Variants in HSD3B1 observed in about 807,000 individuals in gnomAD.
The protein encoded by HSD3B1 is 3 beta-hydroxysteroid dehydrogenase/Delta 5-->4-isomerase type 1.
HSD3B1 carries 11 observed loss-of-function variants against 10.4 expected under a neutral mutation model. The observed-to-expected ratio is 1.05, with a 90% CI of 0.66 to 1.75. The LOEUF (loss-of-function observed/expected upper bound fraction) is 1.75. HSD3B1 is among the 40% of genes most tolerant of loss of function. The probability of loss-of-function intolerance (pLI) is 0.00; values close to 1 mark genes in which losing one functional copy is unlikely to be tolerated. For missense variants in HSD3B1, 490 were observed against 454.5 expected (o/e 1.08, Z -0.71); for synonymous variants, 217 against 185.4 (o/e 1.17, Z -1.39).
Position 119,514,649 on chromosome 1 carries a change from A to G in HSD3B1, c.*4A>G, listed in dbSNP as rs753051753. On this transcript the variant is annotated 3_prime_UTR_variant, in exon 4 of 4. Coordinates refer to ENST00000369413, the MANE Select transcript of HSD3B1 (RefSeq NM_000862.3). Reference sequence around the variant, plus strand: ...CCTGAAGTCCAAGACTCAGTGATTTAAGGATGACAGAGATGTGCATGTGGG... The same window carrying G: ...CCTGAAGTCCAAGACTCAGTGATTTGAGGATGACAGAGATGTGCATGTGGG... The G allele has an allele frequency of 6.2e-7, 1 of 1,613,432 alleles. No individual in the cohort carries two copies. The highest frequency in any genetic ancestry group is 2.2e-5 in the East Asian group (1 of 44,778).
At chr1:119,511,426 T>C in intron 2 of HSD3B1, 77 bp from the exon 3 acceptor site, 1 of 1,450,628 alleles carries the variant, frequency 6.9e-7, no homozygotes, top group East Asian at 2.3e-5. Context: ...TGAACACCTA[T>C]GTAACATCAC....
Position 119,514,223 on chromosome 1 carries a change from A to T in HSD3B1, c.700A>T (p.Ile234Phe). The stretch of plus-strand genomic sequence containing the variant: ...TGTTGGCAATGTGGCCTGGGCCCAC[A>T]TTCTGGCCTTGAGGGCCCTGCAGGA... The part of the protein sequence containing the change: ...VYVGNVAWAH[I>F]LALRALQDPK... The change falls in exon 4 of 4, where the codon ATT becomes TTT. Residue 234 changes from isoleucine (I) to phenylalanine (F), a missense_variant. By Grantham distance (21) the Ile-to-Phe change is conservative. Transcript: ENST00000369413. 1 of 1,614,150 alleles carries T rather than the reference A, an allele frequency of 6.2e-7. No individual in the cohort carries two copies. Among genetic ancestry groups the T allele is most frequent in the Non-Finnish European group, 8.5e-7 (1 of 1,180,022 alleles).
rs776045682 is a variant in HSD3B1 at position 119,514,195 on chromosome 1, C to CAA, written c.672_673insAA (p.Tyr225AsnfsTer14). 9.7e-4 allele frequency: 1,563 copies of CAA among 1,614,098 alleles called. 1 individual carries two copies. The highest frequency in any genetic ancestry group is 1.3e-3 in the Non-Finnish European group (1,479 of 1,179,990). ...GAAAGTTCTCCACTGTTAACCCAGT[C>CAA]TATGTTGGCAATGTGGCCTGGGCCC... On this transcript the variant is annotated frameshift_variant, in exon 4 of 4. Transcript: ENST00000369413. LOFTEE classifies it low-confidence loss of function (END_TRUNC).
At chr1:119,507,663 C>G (rs774677869) in intron 2 of HSD3B1, 42 bp downstream of exon 2, 1 of 1,603,972 alleles carries the variant, frequency 6.2e-7, no homozygotes, top group South Asian at 1.1e-5. Flanking sequence ...CCATCTTAAA[C>G]ACTGCATGTA....
At chr1:119,509,683 A>G (rs888229357) in intron 2 of HSD3B1, among the ~76,000 whole-genome samples, 4 of 152,102 alleles carry the variant, frequency 2.6e-5, no homozygotes, top group African/African-American at 9.7e-5. Context: ...TTGCCTGACA[A>G]CGGGAAGAGG....
At chr1:119,511,759 C>G in intron 3 of HSD3B1, 92 bp downstream of exon 3, 1 of 1,099,786 alleles carries the variant, frequency 9.1e-7, no homozygotes, top group Non-Finnish European at 1.4e-6. Context: ...CCACTGAACA[C>G]CTGCTGTGCT....
chr1:119,508,610 C>T (rs72693147), intron 2 of HSD3B1, among the ~76,000 whole-genome samples: 4 of 152,184 alleles, frequency 2.6e-5, no homozygotes, highest in Admixed American at 6.5e-5. Context: ...TTTCACCTGG[C>T]CCCAGAGCTG....
chr1:119,514,857 A>T lies in HSD3B1; in HGVS notation c.*212A>T, dbSNP rs1376536983. On this transcript the variant is annotated 3_prime_UTR_variant, in exon 4 of 4. Transcript: ENST00000369413. Reference sequence around the variant, plus strand: ...GGTTTCTGTCCTAATCATATACCAGAGGAAAGACCATGTGGTTTGCTGTTA... The same window carrying T: ...GGTTTCTGTCCTAATCATATACCAGTGGAAAGACCATGTGGTTTGCTGTTA... 4 of 603,294 alleles carry T rather than the reference A, an allele frequency of 6.6e-6. No homozygotes were observed. The East Asian group carries it at 1.1e-4, about 17-fold the overall frequency. The allele number at this position is 603,294 out of a possible 1,614,324, so 37.4% of individuals were successfully genotyped here. A position where few individuals can be genotyped will look rare whatever the true frequency, so the allele number is the denominator to read the frequency against.
At position 119,513,870 on chromosome 1, in the gene HSD3B1, G is replaced by C. The variant is rs1484500113; in HGVS notation, c.347G>C (p.Ser116Thr). 6.2e-7 allele frequency: 1 copy of C among 1,613,864 alleles called. No homozygotes were observed. Among genetic ancestry groups the C allele is most frequent in the Non-Finnish European group, 8.5e-7 (1 of 1,179,892 alleles). ...CTGTTAGAGGCCTGTGTCCAAGCTA[G>C]TGTGCCAGTCTTCATCTACACCAGT... Reference protein sequence around the residue: ...QLLLEACVQASVPVFIYTSSI... With the variant: ...QLLLEACVQATVPVFIYTSSI... The change falls in exon 4 of 4, where the codon AGT becomes ACT. Residue 116 changes from serine (S) to threonine (T), a missense_variant. Physicochemically the swap from Ser to Thr is moderately conservative, Grantham distance 58 (BLOSUM62 1). Coordinates refer to ENST00000369413, the MANE Select transcript of HSD3B1 (RefSeq NM_000862.3).
intron 2 of HSD3B1, among the ~76,000 whole-genome samples, chr1:119,510,712 G>GTTTTTTTTTT (rs1265546430): frequency 1.8e-4 from 7 of 39,102 alleles, no homozygotes; most frequent in South Asian, 1.1e-3. Flanking sequence ...TGCTTGTGTG[G>GTTTTTTTTTT]TTTTCTTTTT....
chr1:119,507,498 G>T lies in HSD3B1; in HGVS notation c.22G>T (p.Val8Leu), dbSNP rs755556639. 1 of 1,613,858 alleles carries T rather than the reference G, an allele frequency of 6.2e-7. No individual in the cohort carries two copies. Among genetic ancestry groups the T allele is most frequent in the Non-Finnish European group, 8.5e-7 (1 of 1,179,964 alleles). The change falls in exon 2 of 4, where the codon GTG becomes TTG. Residue 8 changes from valine (V) to leucine (L), a missense_variant. Coordinates refer to ENST00000369413, the MANE Select transcript of HSD3B1 (RefSeq NM_000862.3). ...GGCCATGACGGGCTGGAGCTGCCTT[G>T]TGACAGGAGCAGGAGGGTTTCTGGG... MTGWSCL[V>L]TGAGGFLGQR...
intron 2 of HSD3B1, among the ~76,000 whole-genome samples, chr1:119,510,224 GAC>G (rs1653894389): frequency 1.3e-5 from 2 of 152,210 alleles, no homozygotes; most frequent in South Asian, 4.1e-4. Context: ...GGAACCTGAA[GAC>G]ATTGATGTTG....
At position 119,514,462 on chromosome 1, in the gene HSD3B1, G is replaced by T. The variant is rs33937873; in HGVS notation, c.939G>T (p.Pro313=). 2 of 1,613,740 alleles carry T rather than the reference G, an allele frequency of 1.2e-6. No individual in the cohort carries two copies. The highest frequency in any genetic ancestry group is 2.7e-5 in the African/African-American group (2 of 74,776). Residue 313 remains proline (P), a synonymous_variant, in exon 4 of 4, where the codon CCG becomes CCT. Coordinates refer to ENST00000369413, the MANE Select transcript of HSD3B1 (RefSeq NM_000862.3). Reference sequence around the variant, plus strand: ...TCAGGCCAATTTACACCTATCGACCGCCCTTCAACCGCCACATAGTCACAT... The same window carrying T: ...TCAGGCCAATTTACACCTATCGACCTCCCTTCAACCGCCACATAGTCACAT... ...FLLRPIYTYR[P]PFNRHIVTLS...
chr1:119,513,572 TACAC>T (rs199924871), intron 3 of HSD3B1, among the ~76,000 whole-genome samples: 2 of 151,528 alleles, frequency 1.3e-5, no homozygotes, highest in Admixed American at 6.6e-5. Context: ...AAAATTAAAG[TACAC>T]ACACACACAC....
chr1:119,514,753 T>G lies in HSD3B1; in HGVS notation c.*108T>G, dbSNP rs1164066119. The G allele has an allele frequency of 8.0e-7, 1 of 1,254,544 alleles. No individual in the cohort carries two copies. Among genetic ancestry groups the G allele is most frequent in the East Asian group, 2.5e-5 (1 of 39,842 alleles). The allele number at this position is 1,254,544 out of a possible 1,614,324, so 77.7% of individuals were successfully genotyped here. On this transcript the variant is annotated 3_prime_UTR_variant, in exon 4 of 4. Transcript: ENST00000369413. ...ACAAGGGCACAAGCTCAGGTCCTGC[T>G]GCCTCCCTTTCATACAATGGCCAAC... is the stretch of plus-strand genomic sequence containing the variant.
chr1:119,508,478 A>G (rs1280516790), intron 2 of HSD3B1, among the ~76,000 whole-genome samples: 1 of 152,218 alleles, frequency 6.6e-6, no homozygotes, highest in Non-Finnish European at 1.5e-5. Flanking sequence ...AGAGGCAGGT[A>G]GAAAAGGCAT....
At position 119,514,054 on chromosome 1, in the gene HSD3B1, C is replaced by A. The variant is rs190598307; in HGVS notation, c.531C>A (p.Gly177=). The A allele has an allele frequency of 8.4e-5, 136 of 1,614,042 alleles. No individual in the cohort carries two copies. In the East Asian group the frequency reaches 3.0e-3, roughly 36 times the overall value. ...CTAACGGGTGGAATCTGAAAAACGG[C>A]GGCACCCTGTACACTTGTGCCTTAC... ...LAANGWNLKN[G]GTLYTCALRP... Residue 177 remains glycine, a synonymous_variant, in exon 4 of 4, where the codon GGC becomes GGA. Coordinates refer to ENST00000369413, the MANE Select transcript of HSD3B1 (RefSeq NM_000862.3).
chr1:119,513,830 A>T lies in HSD3B1; in HGVS notation c.311-4A>T. On this transcript the variant is annotated splice_polypyrimidine_tract_variant and splice_region_variant and intron_variant, in intron 3 of 3. Coordinates refer to ENST00000369413, the MANE Select transcript of HSD3B1 (RefSeq NM_000862.3). ...GACAGTGACAATATGCTCTTCATGG[A>T]CAGGTACCCAGCTCCTGTTAGAGGC... 1 of 1,613,378 alleles carries T rather than the reference A, an allele frequency of 6.2e-7. No homozygotes were observed. The highest frequency in any genetic ancestry group is 8.5e-7 in the Non-Finnish European group (1 of 1,179,564).
Position 119,513,882 on chromosome 1 carries a change from T to C in HSD3B1, c.359T>C (p.Phe120Ser), listed in dbSNP as rs762933026. The change falls in exon 4 of 4, where the codon TTC becomes TCC. Residue 120 changes from phenylalanine to serine, a missense_variant. Coordinates refer to ENST00000369413, the MANE Select transcript of HSD3B1 (RefSeq NM_000862.3). Reference protein sequence around the residue: ...EACVQASVPVFIYTSSIEVAG... With the variant: ...EACVQASVPVSIYTSSIEVAG... ...TGTGTCCAAGCTAGTGTGCCAGTCT[T>C]CATCTACACCAGTAGCATAGAGGTA... is the stretch of plus-strand genomic sequence containing the variant. 2 of 1,613,324 alleles carry C rather than the reference T, an allele frequency of 1.2e-6. No individual in the cohort carries two copies. The highest frequency in any genetic ancestry group is 1.7e-6 in the Non-Finnish European group (2 of 1,179,754).
Sources: allele counts gnomAD v4.1 joint callset (sites outside exome capture counted in the v4.1 genomes callset), GRCh38; gene constraint gnomAD v4.1.1; transcripts MANE v1.5; gene names NCBI Gene and HGNC (gene_info 2026-07-23, HGNC 2026-07-21).